PIK3R6: variants seen among roughly 807,000 people sequenced by gnomAD.
PIK3R6 encodes phosphoinositide-3-kinase regulatory subunit 6.
Under a neutral mutation model 84.9 loss-of-function variants are expected in PIK3R6, and 91 were observed. That is an observed-to-expected ratio of 1.07 (90% confidence interval 0.90 to 1.28). The LOEUF is 1.28. PIK3R6 is among the 50% of genes most tolerant of loss of function. The pLI is 0.00. For missense variants in PIK3R6, 996 were observed against 985.1 expected, an observed-to-expected ratio of 1.01 and a Z score of -0.15; for synonymous variants, 416 against 411.4, an observed-to-expected ratio of 1.01 and a Z score of -0.13.
intron 1 of PIK3R6, among the ~76,000 whole-genome samples, chr17:8,852,168 T>C (rs1312950706): frequency 2.0e-5 from 3 of 152,210 alleles, no homozygotes; most frequent in African/African-American, 7.2e-5. Flanking sequence ...ACAGAGTCTC[T>C]GTTTGGAATG....
rs2087852895 is a variant in PIK3R6 at position 8,824,453 on chromosome 17, T to C, written c.1516-956A>G. ...CAGAGTTGATCTCATCCAACTCATA[T>C]CCGATCCTCTAAGACCTCTTCTATC... is the stretch of plus-strand genomic sequence containing the variant. On this transcript the variant is annotated intron_variant, in intron 13 of 19. Transcript: ENST00000619866. Among the ~76,000 whole-genome samples the C allele has an allele frequency of 1.3e-5, 2 of 152,216 alleles. 1 individual carries two copies. Among genetic ancestry groups the C allele is most frequent in the South Asian group, 4.1e-4 (2 of 4,824 alleles).
intron 9 of PIK3R6, among the ~76,000 whole-genome samples, chr17:8,830,148 C>T (rs2088184131): frequency 6.6e-6 from 1 of 152,202 alleles, no homozygotes. Context: ...CTTAAAATGC[C>T]CTGCCTGCAT....
chr17:8,823,033 T>C lies in PIK3R6; in HGVS notation c.1680A>G (p.Glu560=). Residue 560 remains glutamate, a synonymous_variant, in exon 15 of 20, where the codon GAA becomes GAG. Transcript: ENST00000619866. ...QDPTEDIFLI[E]LKVKIQDSKF... Reference sequence around the variant, plus strand: ...TAGAATCTTGGATCTTCACCTTCAGTTCAATGAGGAAAATGTCCTCAGTAG... The same window carrying C: ...TAGAATCTTGGATCTTCACCTTCAGCTCAATGAGGAAAATGTCCTCAGTAG... The C allele has an allele frequency of 2.5e-6, 4 of 1,611,292 alleles. No individual in the cohort carries two copies. The highest frequency in any genetic ancestry group is 3.4e-6 in the Non-Finnish European group (4 of 1,177,470).
At position 8,829,274 on chromosome 17, in the gene PIK3R6, GACAC is replaced by G. The variant is rs201435016; in HGVS notation, c.890-288_890-285del. The stretch of plus-strand genomic sequence containing the variant: ...GCACGCATACACACACAGACACACT[GACAC>G]ACACACGCATCATGCATACACACAC... On this transcript the variant is annotated intron_variant, in intron 10 of 19. Transcript: ENST00000619866. Among the ~76,000 whole-genome samples, 31 of 141,902 alleles carry G rather than the reference GACAC, an allele frequency of 2.2e-4. No homozygotes were observed. In the South Asian group the frequency reaches 3.1e-3, roughly 14 times the overall value. 93.1% of individuals were successfully genotyped at this position (141,902 alleles called of 152,430 possible).
At chr17:8,829,532 A>T (rs1014878779) in intron 10 of PIK3R6, among the ~76,000 whole-genome samples, 174 bp downstream of exon 10, 1 of 150,666 alleles carries the variant, frequency 6.6e-6, no homozygotes. Flanking sequence ...ACACACTGAC[A>T]CACGCATGCA....
intron 18 of PIK3R6, among the ~76,000 whole-genome samples, chr17:8,807,928 T>A (rs925350302): frequency 2.0e-5 from 3 of 152,084 alleles, no homozygotes; most frequent in African/African-American, 7.2e-5. Context: ...ACTTGCTTGA[T>A]TTGCCTGGGA....
rs1354610243 is a variant in PIK3R6 at position 8,829,788 on chromosome 17, G to C, written c.807C>G (p.Asp269Glu). The C allele has an allele frequency of 1.1e-5, 17 of 1,550,648 alleles. No individual in the cohort carries two copies. Among genetic ancestry groups the C allele is most frequent in the Non-Finnish European group, 1.5e-5 (17 of 1,146,826 alleles). The change falls in exon 10 of 20, where the codon GAC becomes GAG. Residue 269 changes from aspartate to glutamate, a missense_variant. Asp to Glu is a conservative substitution (Grantham distance 45). Coordinates refer to ENST00000619866, the MANE Select transcript of PIK3R6 (RefSeq NM_001010855.4). ...LGPAAGRCGG[D>E]LVQERPPSIP... ...TGCTTGGTGGCCGCTCTTGGACAAG[G>C]TCACCTGCAGAAAGGAGCAGGCTGT... is the stretch of plus-strand genomic sequence containing the variant.
intron 2 of PIK3R6, among the ~76,000 whole-genome samples, chr17:8,841,019 T>C (rs907395739): frequency 5.3e-5 from 8 of 152,234 alleles, no homozygotes; most frequent in African/African-American, 1.4e-4. Context: ...TCCAAAGTGC[T>C]GGGATGACAG....
chr17:8,856,017 C>T (rs573353115), intron 1 of PIK3R6, among the ~76,000 whole-genome samples: 3 of 152,302 alleles, frequency 2.0e-5, no homozygotes, highest in East Asian at 1.9e-4. Flanking sequence ...CTACGTGCAA[C>T]GACACGCGTG....
intron 1 of PIK3R6, among the ~76,000 whole-genome samples, chr17:8,857,245 A>G (rs890947022): frequency 6.6e-6 from 1 of 152,224 alleles, no homozygotes; most frequent in Non-Finnish European, 1.5e-5. Context: ...CAGCATGTCC[A>G]GCATCTAGGG....
chr17:8,850,059 G>A lies in PIK3R6; in HGVS notation c.-91-174C>T, dbSNP rs193081953. On this transcript the variant is annotated intron_variant, in intron 1 of 19. Coordinates refer to ENST00000619866, the MANE Select transcript of PIK3R6 (RefSeq NM_001010855.4). ...TGGCTCATGCCTGTAATCCCAGCAC[G>A]TTGGGAGGCCAAGGCGGGTGGATCA... 4.4e-3 allele frequency among the ~76,000 whole-genome samples: 663 copies of A among 152,172 alleles called. 6 individuals carry two copies. The highest frequency in any genetic ancestry group is 3.6e-3 in the Non-Finnish European group (248 of 68,006).
intron 18 of PIK3R6, among the ~76,000 whole-genome samples, chr17:8,807,127 C>A (rs1035053411): frequency 1.3e-5 from 2 of 152,190 alleles, no homozygotes; most frequent in African/African-American, 2.4e-5. Flanking sequence ...CACTTTGGAG[C>A]CTAAAACTTC....
intron 17 of PIK3R6, 135 bp downstream of exon 17, chr17:8,821,711 A>C: frequency 2.1e-6 from 2 of 930,750 alleles, no homozygotes. Flanking sequence ...ACTTGAAGGC[A>C]GTCACCAAGT....
intron 18 of PIK3R6, among the ~76,000 whole-genome samples, chr17:8,815,340 T>C (rs973703109): frequency 6.6e-6 from 1 of 152,084 alleles, no homozygotes; most frequent in Non-Finnish European, 1.5e-5. Context: ...ACCCCATCTC[T>C]ACTAAAAATA....
intron 1 of PIK3R6, among the ~76,000 whole-genome samples, chr17:8,855,847 TAAAA>T (rs997898043): frequency 6.6e-6 from 1 of 152,172 alleles, no homozygotes; most frequent in Non-Finnish European, 1.5e-5. Flanking sequence ...TCCAGAGAAA[TAAAA>T]ACTTATGTTC....
rs2089395538 is a variant in PIK3R6 at position 8,865,757 on chromosome 17, G to C, written c.-92+1772C>G. Among the ~76,000 whole-genome samples the C allele has an allele frequency of 5.3e-5, 8 of 152,006 alleles. No individual in the cohort carries two copies. In the South Asian group the frequency reaches 6.2e-4, roughly 12 times the overall value. Reference sequence around the variant, plus strand: ...GGTCTACTTCTCAGATTCCCAAGGAGCCGGGAGGTGAGGGTCCTGCTGCCC... The same window carrying C: ...GGTCTACTTCTCAGATTCCCAAGGACCCGGGAGGTGAGGGTCCTGCTGCCC... On this transcript the variant is annotated intron_variant, in intron 1 of 19. Transcript: ENST00000619866.
chr17:8,804,575 CA>C (rs2087143970), intron 18 of PIK3R6, among the ~76,000 whole-genome samples: 1 of 152,168 alleles, frequency 6.6e-6, no homozygotes, highest in African/African-American at 2.4e-5. Context: ...AAATCACATA[CA>C]ACATTATTTA....
At chr17:8,810,221 G>A (rs2087318940) in intron 18 of PIK3R6, among the ~76,000 whole-genome samples, 1 of 147,844 alleles carries the variant, frequency 6.8e-6, no homozygotes, top group African/African-American at 2.5e-5. Flanking sequence ...CTTGTGCAGG[G>A]AAACTCCTTC....
rs572566617 is a variant in PIK3R6 at position 8,803,930 on chromosome 17, C to A, written c.2108+111G>T. On this transcript the variant is annotated intron_variant, in intron 19 of 19. Coordinates refer to ENST00000619866, the MANE Select transcript of PIK3R6 (RefSeq NM_001010855.4). This position sits in a 1 kb window ranked among gnomAD's most constrained non-coding sequence, Gnocchi z 5.0. ...AAGGTTACCTGCCTGGCCACAGGAT[C>A]TACCTCCGATGAGGTGCCTTGAGCT... 125 of 920,040 alleles carry A rather than the reference C, an allele frequency of 1.4e-4. 2 individuals carry two copies. The African/African-American group carries it at 1.9e-3, about 14-fold the overall frequency. The allele number at this position is 920,040 out of a possible 1,614,324, so 57.0% of individuals were successfully genotyped here.
Sources: gnomAD v4.1 joint callset for allele counts (sites outside exome capture counted in the v4.1 genomes callset) on GRCh38, gnomAD v4.1.1 for gene constraint, Gnocchi (gnomAD v3.1) non-coding constraint, MANE v1.5 for transcripts, NCBI Gene and HGNC (gene_info 2026-07-23, HGNC 2026-07-21) for gene names.